The following OOEP variants were observed in gnomAD, a reference collection of about 807,000 sequenced individuals.
OOEP encodes oocyte-expressed protein homolog.
A neutral mutation model predicts 13.7 loss-of-function variants in OOEP; 16 were observed. That is an observed-to-expected ratio of 1.16 (90% CI 0.79 to 1.77). The LOEUF (loss-of-function observed/expected upper bound fraction) is 1.77. OOEP is among the 40% of genes most tolerant of loss of function. OOEP has a pLI of 0.00. For synonymous variants in OOEP, 89 were observed against 77.1 expected, an observed-to-expected ratio of 1.15 and a Z score of -0.81; for missense variants, 195 against 193.1, an observed-to-expected ratio of 1.01 and a Z score of -0.06.
intron 2 of OOEP, among the ~76,000 whole-genome samples, chr6:73,378,477 C>T (rs567503019): frequency 6.6e-6 from 1 of 152,174 alleles, no homozygotes; most frequent in African/African-American, 2.4e-5. Flanking sequence ...ATCATTGAGG[C>T]CAGGCATGGT....
At chr6:73,390,752 TTC>T (rs1769337231) in intron 2 of OOEP, among the ~76,000 whole-genome samples, 1 of 146,808 alleles carries the variant, frequency 6.8e-6, no homozygotes, top group Admixed American at 7.8e-5. Flanking sequence ...AATTTTTTTT[TTC>T]TTTTTTTTTC....
intron 2 of OOEP, among the ~76,000 whole-genome samples, chr6:73,380,417 A>G (rs999607037): frequency 6.6e-6 from 1 of 152,096 alleles, no homozygotes; most frequent in African/African-American, 2.4e-5. Flanking sequence ...ATGAGTGTTC[A>G]TAGTAGTGTT....
Position 73,376,566 on chromosome 6 carries a change from G to A in OOEP, c.26-7181C>T, listed in dbSNP as rs189776332. On this transcript the variant is annotated intron_variant, in intron 2 of 3. Coordinates refer to the OOEP transcript ENST00000370363. Reference sequence around the variant, plus strand: ...CAGCTTACTGCAACCTCCACCTCCCGAGTTCAAGCAATTCTCCTGCCTCAG... The same window carrying A: ...CAGCTTACTGCAACCTCCACCTCCCAAGTTCAAGCAATTCTCCTGCCTCAG... 1.4e-4 allele frequency among the ~76,000 whole-genome samples: 21 copies of A among 151,560 alleles called. No homozygotes were observed. In the East Asian group the frequency reaches 1.9e-3, roughly 14 times the overall value.
At chr6:73,378,124 A>G (rs750229027) in intron 2 of OOEP, among the ~76,000 whole-genome samples, 23 of 149,250 alleles carry the variant, frequency 1.5e-4, no homozygotes, top group Non-Finnish European at 2.8e-4. Context: ...TTTTTTTGAG[A>G]TAGTATCTCA....
At chr6:73,384,809 T>C (rs980887412) in intron 2 of OOEP, among the ~76,000 whole-genome samples, 2 of 151,524 alleles carry the variant, frequency 1.3e-5, no homozygotes, top group African/African-American at 4.8e-5. Context: ...CAATCTCGGC[T>C]CACTGCAACC....
rs115033471 is a variant in OOEP, at chr6:73,393,234, C to T, written c.25+1112G>A. ...CCCTGGCTCAGTGATCCTCCCACCT[C>T]AGCCTCCTGAGTAGCTGGGACTACA... On this transcript the variant is annotated intron_variant, in intron 2 of 3. Transcript: ENST00000370363. Among the ~76,000 whole-genome samples, 393 of 152,234 alleles carry T rather than the reference C, an allele frequency of 2.6e-3. 3 individuals carry two copies. The highest frequency in any genetic ancestry group is 8.9e-3 in the African/African-American group (368 of 41,548).
At chr6:73,381,981 A>AAAAAC (rs895722643) in intron 2 of OOEP, among the ~76,000 whole-genome samples, 8 of 152,100 alleles carry the variant, frequency 5.3e-5, no homozygotes, top group East Asian at 1.9e-4. Flanking sequence ...ACTCTGTCTC[A>AAAAAC]AAAACAAAAC....
At chr6:73,385,328 A>G (rs1448330152) in intron 2 of OOEP, among the ~76,000 whole-genome samples, 4 of 151,846 alleles carry the variant, frequency 2.6e-5, no homozygotes, top group African/African-American at 9.7e-5. Flanking sequence ...CCTGGGCGAC[A>G]GAGCAAGACT....
intron 2 of OOEP, among the ~76,000 whole-genome samples, chr6:73,392,419 C>T (rs1226834912): frequency 3.9e-5 from 6 of 151,974 alleles, no homozygotes; most frequent in South Asian, 2.1e-4. Flanking sequence ...ATTCTCTCAC[C>T]TCAGCTTCTC....
chr6:73,385,464 A>G (rs1353241786), intron 2 of OOEP, among the ~76,000 whole-genome samples: 1 of 152,206 alleles, frequency 6.6e-6, no homozygotes, highest in East Asian at 1.9e-4. Flanking sequence ...AAGTCAATTA[A>G]TATGCCATAT....
At chr6:73,379,067 C>T (rs550561298) in intron 2 of OOEP, among the ~76,000 whole-genome samples, 10 of 152,024 alleles carry the variant, frequency 6.6e-5, no homozygotes, top group Admixed American at 5.9e-4. Flanking sequence ...CTCTGTCACC[C>T]AGGCTGGAGT....
intron 2 of OOEP, among the ~76,000 whole-genome samples, chr6:73,390,502 G>C (rs930710012): frequency 6.6e-6 from 1 of 151,534 alleles, no homozygotes; most frequent in African/African-American, 2.4e-5. Context: ...CTAATACTAG[G>C]TAAATAGTTA....
intron 2 of OOEP, among the ~76,000 whole-genome samples, chr6:73,377,715 G>A (rs1045575982): frequency 3.3e-5 from 5 of 152,056 alleles, no homozygotes; most frequent in African/African-American, 9.7e-5. Context: ...TCACCTAGAC[G>A]GGAGTGCAGT....
At chr6:73,375,438 T>C (rs1769124101) in intron 2 of OOEP, among the ~76,000 whole-genome samples, 1 of 151,816 alleles carries the variant, frequency 6.6e-6, no homozygotes, top group Admixed American at 6.6e-5. Flanking sequence ...ATTAACCCGG[T>C]GTGGTGTCTC....
At chr6:73,383,011 A>AT (rs950377753) in intron 2 of OOEP, among the ~76,000 whole-genome samples, 23 of 150,406 alleles carry the variant, frequency 1.5e-4, no homozygotes, top group African/African-American at 2.9e-4. Flanking sequence ...TAATTTTTGT[A>AT]TTTTTTTTAT....
rs901782414 is a variant in OOEP at position 73,394,406 on chromosome 6, T to C, written c.-36A>G. Reference sequence around the variant, plus strand: ...GTGGCTGACTGTAATCCCAGCACTTTGGGAGGCCGAGGCTGGAAGATCACT... The same window carrying C: ...GTGGCTGACTGTAATCCCAGCACTTCGGGAGGCCGAGGCTGGAAGATCACT... On this transcript the variant is annotated 5_prime_UTR_variant, in exon 2 of 4. Coordinates refer to the OOEP transcript ENST00000370363. The C allele has an allele frequency of 5.6e-6, 4 of 713,470 alleles. No individual in the cohort carries two copies. The African/African-American group carries it at 7.0e-5, about 13-fold the overall frequency. The allele number at this position is 713,470 out of a possible 1,614,324, so 44.2% of individuals were successfully genotyped here.
chr6:73,379,638 CAAA>C (rs370843381), intron 2 of OOEP, among the ~76,000 whole-genome samples: 4 of 17,740 alleles, frequency 2.3e-4, no homozygotes, highest in Admixed American at 7.5e-4. Flanking sequence ...GACTCTATCT[CAAA>C]AAAAAAAAAA....
rs533529213 is a variant in OOEP, at chr6:73,394,361, T to C, written c.10A>G (p.Thr4Ala). Residue 4 changes from threonine (T) to alanine (A), a missense_variant, in exon 2 of 4, where the codon ACC becomes GCC. Physicochemically the swap from Thr to Ala is moderately conservative, Grantham distance 58. Coordinates refer to the OOEP transcript ENST00000370363. ...AGTGACTTACCTTTATGGGTCACGG[T>C]TGAAAACATTTCCGGTGCAGTGGCT... 8.4e-6 allele frequency: 6 copies of C among 715,346 alleles called. No homozygotes were observed. The East Asian group carries it at 1.6e-4, about 19-fold the overall frequency. The allele number at this position is 715,346 out of a possible 1,614,324, so 44.3% of individuals were successfully genotyped here. A position where few individuals can be genotyped will look rare whatever the true frequency, so the allele number is the denominator to read the frequency against.
chr6:73,370,080 C>A, upstream of OOEP: 1 of 441,918 alleles, frequency 2.3e-6, no homozygotes, highest in South Asian at 2.8e-5. Context: ...CATCTCTGCT[C>A]GTAAGGTATG....
Sources: allele counts gnomAD v4.1 joint callset (sites outside exome capture counted in the v4.1 genomes callset), GRCh38; gene constraint gnomAD v4.1.1; transcripts MANE v1.5; gene names NCBI Gene and HGNC (gene_info 2026-07-23, HGNC 2026-07-21).